CNTLN: variants seen among roughly 807,000 people sequenced by gnomAD.
CNTLN encodes the protein centlein.
In CNTLN, 212 loss-of-function variants were observed where a neutral mutation model predicts 180.0. The ratio of observed to expected loss-of-function variants is 1.18; its 90% CI spans 1.05 to 1.32. The LOEUF (loss-of-function observed/expected upper bound fraction) is 1.32, where lower values mean the gene tolerates loss of function less well. CNTLN is among the 40% of genes most tolerant of loss of function. The pLI is 0.00. For synonymous variants in CNTLN, 722 were observed against 563.1 expected (o/e 1.28, Z -3.99); for missense variants, 2,095 against 1,610.9 (o/e 1.30, Z -5.14).
chr9:17,254,281 G>A (rs1587351482), intron 5 of CNTLN, among the ~76,000 whole-genome samples: 1 of 151,542 alleles, frequency 6.6e-6, no homozygotes, highest in Admixed American at 6.6e-5. Flanking sequence ...TCAATTTTGA[G>A]GTAGTACCAT....
At chr9:17,311,766 G>A (rs138926360) in intron 8 of CNTLN, among the ~76,000 whole-genome samples, 4 of 152,004 alleles carry the variant, frequency 2.6e-5, no homozygotes, top group Admixed American at 1.3e-4. Context: ...CCAAGATTGC[G>A]CCACTGCTCT....
intron 12 of CNTLN, among the ~76,000 whole-genome samples, chr9:17,365,882 G>C (rs1823776461): frequency 6.6e-6 from 1 of 152,118 alleles, no homozygotes; most frequent in Non-Finnish European, 1.5e-5. Flanking sequence ...GGAGGTAGGG[G>C]CTGCAGTAAG....
At chr9:17,224,751 T>C (rs879312198) in intron 2 of CNTLN, among the ~76,000 whole-genome samples, 3 of 152,070 alleles carry the variant, frequency 2.0e-5, no homozygotes, top group Non-Finnish European at 2.9e-5. Context: ...CTTTTAACAT[T>C]AGTTATTCTT....
At chr9:17,277,510 G>C (rs1376745469) in intron 6 of CNTLN, among the ~76,000 whole-genome samples, 2 of 151,786 alleles carry the variant, frequency 1.3e-5, no homozygotes, top group Non-Finnish European at 2.9e-5. Context: ...TACAAAATAG[G>C]GTCTAGCACA....
intron 11 of CNTLN, 145 bp from the exon 12 acceptor site, chr9:17,342,180 G>A (rs1045359335): frequency 1.2e-6 from 1 of 822,918 alleles, no homozygotes; most frequent in Non-Finnish European, 1.9e-6. Flanking sequence ...TACATGCTTA[G>A]GTTTTAGGAA....
chr9:17,256,581 G>T lies in CNTLN; in HGVS notation c.850-17152G>T, dbSNP rs1249943916. Among the ~76,000 whole-genome samples the T allele has an allele frequency of 2.0e-5, 3 of 150,526 alleles. No homozygotes were observed. The Admixed American group carries it at 2.0e-4, about 10-fold the overall frequency. On this transcript the variant is annotated intron_variant, in intron 5 of 25. Coordinates refer to ENST00000380647, the MANE Select transcript of CNTLN (RefSeq NM_017738.4). ...CTTCTCTTTTTTTTTTTAGTGTAAAGCTCTTAGTTGTCTTTTATTTGCAAT... is the reference window on the plus strand; with the variant it reads ...CTTCTCTTTTTTTTTTTAGTGTAAATCTCTTAGTTGTCTTTTATTTGCAAT...
In CNTLN at chr9:17,211,014, G is replaced by C. The variant is rs113304201; in HGVS notation, c.450-15189G>C. Among the ~76,000 whole-genome samples, 407 of 152,152 alleles carry C rather than the reference G, an allele frequency of 2.7e-3. 1 individual carries two copies. The highest frequency in any genetic ancestry group is 9.3e-3 in the African/African-American group (386 of 41,490). On this transcript the variant is annotated intron_variant, in intron 2 of 25. Coordinates refer to ENST00000380647, the MANE Select transcript of CNTLN (RefSeq NM_017738.4). ...CTCCCATTGTGCAGTTTGCCTGTTCGCTCTGATGGTAGTTTCTTTTGCTGT... is the reference window on the plus strand; with the variant it reads ...CTCCCATTGTGCAGTTTGCCTGTTCCCTCTGATGGTAGTTTCTTTTGCTGT...
the CNTLN span, among the ~76,000 whole-genome samples, chr9:17,510,660 C>A: frequency 6.6e-6 from 1 of 152,206 alleles, no homozygotes; most frequent in Admixed American, 6.5e-5. Context: ...AACATTGGCT[C>A]TTTCTGGGTC....
intron 12 of CNTLN, among the ~76,000 whole-genome samples, chr9:17,349,582 TAG>T (rs1325852859): frequency 6.6e-6 from 1 of 152,168 alleles, no homozygotes; most frequent in Non-Finnish European, 1.5e-5. Context: ...ACTGAAATTA[TAG>T]AGTTTCTACC....
chr9:17,383,939 G>A (rs528065244), intron 13 of CNTLN, among the ~76,000 whole-genome samples: 62 of 152,166 alleles, frequency 4.1e-4, no homozygotes, highest in Non-Finnish European at 5.6e-4. Context: ...TGCCCGGCCC[G>A]TAACATGAAA....
Position 17,367,177 on chromosome 9 carries a change from G to T in CNTLN, c.1987+460G>T, listed in dbSNP as rs1229592380. On this transcript the variant is annotated intron_variant, in intron 13 of 25. Coordinates refer to ENST00000380647, the MANE Select transcript of CNTLN (RefSeq NM_017738.4). ...GGCCATGTGACATGGAGAGAGAATT[G>T]TGCACTTAGGGGAGGGAGAATGCAG... Among the ~76,000 whole-genome samples, 13 of 152,190 alleles carry T rather than the reference G, an allele frequency of 8.5e-5. No homozygotes were observed. The East Asian group carries it at 1.5e-3, about 18-fold the overall frequency.
chr9:17,184,647 T>C (rs1301579162), intron 2 of CNTLN, among the ~76,000 whole-genome samples: 2 of 152,182 alleles, frequency 1.3e-5, no homozygotes, highest in South Asian at 4.1e-4. Flanking sequence ...CCATTGTGAA[T>C]TGGCTTCATT....
At chr9:17,264,247 C>A (rs1007966370) in intron 5 of CNTLN, among the ~76,000 whole-genome samples, 2 of 149,078 alleles carry the variant, frequency 1.3e-5, no homozygotes, top group African/African-American at 5.0e-5. Flanking sequence ...GATCCAGTTT[C>A]AGCTTTCTAC....
intron 18 of CNTLN, among the ~76,000 whole-genome samples, chr9:17,418,894 G>A (rs1457956457): frequency 6.6e-6 from 1 of 152,050 alleles, no homozygotes. Flanking sequence ...TGTTCGTTAA[G>A]AGGTTGATAA....
Position 17,298,371 on chromosome 9 carries a change from A to G in CNTLN, c.1146+19A>G, listed in dbSNP as rs1191135433. ...TCAAAAAGTATGCTTTTATTCTGTAATAAAGATGTAAATGTTTATGTATGA... is the reference window on the plus strand; with the variant it reads ...TCAAAAAGTATGCTTTTATTCTGTAGTAAAGATGTAAATGTTTATGTATGA... On this transcript the variant is annotated intron_variant, in intron 7 of 25. Coordinates refer to ENST00000380647, the MANE Select transcript of CNTLN (RefSeq NM_017738.4). The G allele has an allele frequency of 1.1e-5, 17 of 1,584,236 alleles. No homozygotes were observed. Among genetic ancestry groups the G allele is most frequent in the Middle Eastern group, 1.7e-4 (1 of 5,958 alleles).
chr9:17,479,529 T>C (rs777040820), intron 23 of CNTLN, among the ~76,000 whole-genome samples: 10 of 152,044 alleles, frequency 6.6e-5, no homozygotes, highest in African/African-American at 7.2e-5. Context: ...TTGGAAGGGA[T>C]TGGGGAGACT....
At chr9:17,359,724 A>AAAAAAAAAAAAAAAAAAAAAAAAAC (rs1823159136) in intron 12 of CNTLN, among the ~76,000 whole-genome samples, 1 of 39,402 alleles carries the variant, frequency 2.5e-5, no homozygotes, top group Non-Finnish European at 6.2e-5. Context: ...TACTAAAAAT[A>AAAAAAAAAAAAAAAAAAAAAAAAAC]CAAAAAAAAA....
chr9:17,160,374 T>A (rs1362457367), intron 2 of CNTLN, among the ~76,000 whole-genome samples: 3 of 152,182 alleles, frequency 2.0e-5, no homozygotes, highest in Non-Finnish European at 4.4e-5. Flanking sequence ...ACTTATTGGC[T>A]TCTTCTTTTA....
Position 17,427,949 on chromosome 9 carries a change from G to A in CNTLN, c.3114+11760G>A, listed in dbSNP as rs549821169. Among the ~76,000 whole-genome samples, 6 of 152,300 alleles carry A rather than the reference G, an allele frequency of 3.9e-5. 1 individual carries two copies. In the South Asian group the frequency reaches 1.2e-3, roughly 32 times the overall value. On this transcript the variant is annotated intron_variant, in intron 18 of 25. Transcript: ENST00000380647. ...GAACACAACAGTGAACTAGACACAG[G>A]TATGGTTTTACTCTCATGGAGCTTA...
Sources: gnomAD v4.1 joint callset for allele counts (sites outside exome capture counted in the v4.1 genomes callset) on GRCh38, gnomAD v4.1.1 for gene constraint, MANE v1.5 for transcripts, NCBI Gene and HGNC (gene_info 2026-07-23, HGNC 2026-07-21) for gene names.